MAPKAP1: variants seen among roughly 807,000 people sequenced by gnomAD.
The protein encoded by MAPKAP1 is MAPK associated protein 1, also known as target of rapamycin complex 2 subunit MAPKAP1.
A neutral mutation model predicts 65.7 loss-of-function variants in MAPKAP1; 20 were observed. That is an observed-to-expected ratio of 0.30 (90% CI 0.21 to 0.44). The LOEUF is 0.44. Among genes scored for constraint, MAPKAP1 ranks in the 20% least tolerant of loss-of-function variants. The pLI is 1.00. For missense variants in MAPKAP1, 423 were observed against 648.0 expected, an observed-to-expected ratio of 0.65 and a Z score of 3.77; for synonymous variants, 222 against 244.3, an observed-to-expected ratio of 0.91 and a Z score of 0.85.
intron 4 of MAPKAP1, among the ~76,000 whole-genome samples, chr9:125,648,727 G>C (rs1039487938): frequency 6.6e-6 from 1 of 152,046 alleles, no homozygotes; most frequent in African/African-American, 2.4e-5. Flanking sequence ...CGGATTACCT[G>C]GTCAGGAGTT....
intron 4 of MAPKAP1, chr9:125,651,999 G>T: frequency 1.5e-6 from 1 of 651,928 alleles, no homozygotes; most frequent in Non-Finnish European, 2.0e-6. Flanking sequence ...AGAAGCAAAC[G>T]TAGTTTAACA....
intron 5 of MAPKAP1, among the ~76,000 whole-genome samples, chr9:125,563,702 GTAT>G (rs113809428): frequency 0.036 from 4,046 of 112,198 alleles, 177 homozygotes; most frequent in African/African-American, 0.1. Context: ...AAAGCAAAGG[GTAT>G]TATTATTATT....
intron 1 of MAPKAP1, among the ~76,000 whole-genome samples, chr9:125,700,915 G>A (rs899417893): frequency 6.6e-6 from 1 of 152,150 alleles, no homozygotes; most frequent in Non-Finnish European, 1.5e-5. Flanking sequence ...TTTCAATCTT[G>A]AGTACATATA....
At chr9:125,544,259 C>T (rs1180209794) in intron 6 of MAPKAP1, among the ~76,000 whole-genome samples, 5 of 152,222 alleles carry the variant, frequency 3.3e-5, no homozygotes, top group South Asian at 4.1e-4. Context: ...CTGCCTGCCT[C>T]AGCTGCCCAA....
chr9:125,589,270 G>A (rs913558401), intron 4 of MAPKAP1, among the ~76,000 whole-genome samples: 4 of 152,124 alleles, frequency 2.6e-5, no homozygotes, highest in African/African-American at 9.7e-5. Context: ...CCTTCAGAGC[G>A]CTTAACAATT....
chr9:125,572,775 A>G (rs952100343), intron 5 of MAPKAP1: 2 of 152,220 alleles, frequency 1.3e-5, no homozygotes, highest in African/African-American at 4.8e-5. Context: ...GTTTACTTGG[A>G]ATAACTTTAC....
intron 8 of MAPKAP1, among the ~76,000 whole-genome samples, chr9:125,487,697 C>T (rs545855782): frequency 3.5e-4 from 53 of 150,090 alleles, no homozygotes; most frequent in African/African-American, 1.2e-3. Context: ...ATTACTATAA[C>T]GTGACATATA....
chr9:125,648,474 C>T (rs1405029847), intron 4 of MAPKAP1, among the ~76,000 whole-genome samples: 1 of 152,194 alleles, frequency 6.6e-6, no homozygotes, highest in African/African-American at 2.4e-5. Flanking sequence ...TGATTCTAAA[C>T]ACGCAGAAAT....
intron 7 of MAPKAP1, among the ~76,000 whole-genome samples, chr9:125,523,051 G>A (rs927146267): frequency 2.0e-5 from 3 of 152,110 alleles, no homozygotes; most frequent in Admixed American, 6.5e-5. Context: ...CCCACAATAG[G>A]GAAAGTTGCA....
chr9:125,550,213 A>G (rs1426061298), intron 6 of MAPKAP1, among the ~76,000 whole-genome samples: 2 of 152,168 alleles, frequency 1.3e-5, no homozygotes, highest in African/African-American at 2.4e-5. Flanking sequence ...GAAGCATCAC[A>G]GTTTTTTTCA....
At chr9:125,514,360 C>T (rs928084716) in intron 7 of MAPKAP1, among the ~76,000 whole-genome samples, 3 of 152,088 alleles carry the variant, frequency 2.0e-5, no homozygotes, top group Admixed American at 6.5e-5. Flanking sequence ...CCCCCAGCCT[C>T]GAGGCAGGGA....
At chr9:125,585,171 C>G (rs1831741967) in intron 5 of MAPKAP1, among the ~76,000 whole-genome samples, 1 of 152,166 alleles carries the variant, frequency 6.6e-6, no homozygotes, top group Non-Finnish European at 1.5e-5. Flanking sequence ...TTACCCTCAC[C>G]TCCCAGGGAG....
At chr9:125,636,882 A>G (rs1833440206) in intron 4 of MAPKAP1, among the ~76,000 whole-genome samples, 1 of 152,092 alleles carries the variant, frequency 6.6e-6, no homozygotes. Flanking sequence ...CCACACTCAC[A>G]CCTTAGCCCA....
intron 4 of MAPKAP1, among the ~76,000 whole-genome samples, chr9:125,625,255 T>TTAAAAAAAAAAAAAAAAAAAAA (rs1564589549): frequency 1.5e-5 from 1 of 64,714 alleles, no homozygotes; most frequent in African/African-American, 5.9e-5. Flanking sequence ...AATAAATAAA[T>TTAAAAAAAAAAAAAAAAAAAAA]AAAAAAAAAA....
chr9:125,509,612 G>A (rs1829242590), intron 7 of MAPKAP1, among the ~76,000 whole-genome samples: 1 of 152,124 alleles, frequency 6.6e-6, no homozygotes, highest in Non-Finnish European at 1.5e-5. Flanking sequence ...ATATTTTCAT[G>A]TGAAGCAACC....
chr9:125,703,185 TTCA>T (rs1026038037), intron 1 of MAPKAP1, among the ~76,000 whole-genome samples: 14 of 152,156 alleles, frequency 9.2e-5, no homozygotes, highest in African/African-American at 3.4e-4. Context: ...TGCTCTCCAG[TTCA>T]TCAAGGCCCA....
At chr9:125,658,053 G>A (rs1048725681) in intron 3 of MAPKAP1, among the ~76,000 whole-genome samples, 2 of 152,162 alleles carry the variant, frequency 1.3e-5, no homozygotes, top group African/African-American at 4.8e-5. Context: ...TAACAAAGGA[G>A]CCATTTTATA....
intron 4 of MAPKAP1, among the ~76,000 whole-genome samples, chr9:125,629,493 C>G (rs1253994406): frequency 1.3e-5 from 2 of 152,100 alleles, no homozygotes; most frequent in Non-Finnish European, 2.9e-5. Flanking sequence ...GTGAAATAAG[C>G]CAGTCAGAAA....
At chr9:125,541,337 G>C (rs1288566949) in intron 7 of MAPKAP1, among the ~76,000 whole-genome samples, 1 of 152,152 alleles carries the variant, frequency 6.6e-6, no homozygotes, top group African/African-American at 2.4e-5. Flanking sequence ...TAAGTTCATA[G>C]GAGTTTCATG....
Sources: gnomAD v4.1 joint callset for allele counts (sites outside exome capture counted in the v4.1 genomes callset) on GRCh38, gnomAD v4.1.1 for gene constraint, MANE v1.5 for transcripts, NCBI Gene and HGNC (gene_info 2026-07-23, HGNC 2026-07-21) for gene names.